The following GJC1 variants were observed in gnomAD, a reference collection of about 807,000 sequenced individuals.
GJC1 encodes gap junction protein gamma 1.
GJC1 carries 5 observed loss-of-function variants against 29.3 expected under a neutral mutation model. The observed-to-expected ratio is 0.17, with a 90% CI of 0.09 to 0.36. The LOEUF (loss-of-function observed/expected upper bound fraction) is 0.36, where lower values mean the gene tolerates loss of function less well. Among genes scored for constraint, GJC1 ranks in the 10% least tolerant of loss-of-function variants. The probability of loss-of-function intolerance (pLI) is 1.00; values close to 1 mark genes in which losing one functional copy is unlikely to be tolerated. For synonymous variants in GJC1, 177 were observed against 183.3 expected (o/e 0.97, Z 0.28); for missense variants, 310 against 496.2 (o/e 0.62, Z 3.56).
chr17:44,813,907 C>G (rs1348039640), intron 1 of GJC1, among the ~76,000 whole-genome samples: 3 of 152,124 alleles, frequency 2.0e-5, no homozygotes, highest in African/African-American at 7.2e-5. Flanking sequence ...GTCACTCATT[C>G]TCTAGGCAAG....
chr17:44,827,174 G>A (rs1298908041), intron 1 of GJC1, among the ~76,000 whole-genome samples: 1 of 152,092 alleles, frequency 6.6e-6, no homozygotes, highest in Non-Finnish European at 1.5e-5. Context: ...GCTGGGCATG[G>A]TGGGGCATTC....
At chr17:44,808,987 T>C (rs1164231080) in intron 1 of GJC1, among the ~76,000 whole-genome samples, 1 of 152,048 alleles carries the variant, frequency 6.6e-6, no homozygotes, top group Non-Finnish European at 1.5e-5. Flanking sequence ...GGCAGGAGAA[T>C]TGCTTGAACC....
At chr17:44,823,269 T>TC (rs1365284574) in intron 1 of GJC1, among the ~76,000 whole-genome samples, 3,172 of 149,264 alleles carry the variant, frequency 0.021, 95 homozygotes, top group African/African-American at 0.073. Flanking sequence ...TTTTTTTTTT[T>TC]TAAGACGGAG....
chr17:44,806,401 G>T (rs200418992), intron 2 of GJC1, among the ~76,000 whole-genome samples: 1,285 of 122,010 alleles, frequency 0.011, 18 homozygotes, highest in African/African-American at 0.034. Context: ...TCTTCTGTTT[G>T]TTTTTTTTTT....
rs967577146 is a variant in GJC1, at chr17:44,829,890, G to A, written c.-97+172C>T. ...CCGGCGACGCCCCTCCGGACTCGGCGGGAACCCCTCGGCGGCGCCCCCCTC... is the reference window on the plus strand; with the variant it reads ...CCGGCGACGCCCCTCCGGACTCGGCAGGAACCCCTCGGCGGCGCCCCCCTC... On this transcript the variant is annotated intron_variant, in intron 1 of 2. Coordinates refer to ENST00000592524, the MANE Select transcript of GJC1 (RefSeq NM_005497.4). Among the ~76,000 whole-genome samples the A allele has an allele frequency of 3.3e-5, 5 of 152,018 alleles. No individual in the cohort carries two copies. The East Asian group carries it at 9.8e-4, about 30-fold the overall frequency.
chr17:44,828,680 T>C (rs1033597456), intron 1 of GJC1, among the ~76,000 whole-genome samples: 4 of 152,214 alleles, frequency 2.6e-5, no homozygotes, highest in African/African-American at 9.6e-5. Flanking sequence ...ACTGCAGTGA[T>C]ACAACTCTAT....
chr17:44,820,433 C>T (rs2050094542), intron 1 of GJC1, among the ~76,000 whole-genome samples: 1 of 152,134 alleles, frequency 6.6e-6, no homozygotes, highest in Non-Finnish European at 1.5e-5. Flanking sequence ...AAAATCTCTT[C>T]CATTTAACAT....
rs1277812906 is a variant in GJC1 at position 44,805,306 on chromosome 17, T to A, written c.512A>T (p.Asp171Val). ...CAGCACATAGATTTTCATGAGCCCATCTTCCCGAATCCGTCGTCGGCCATC... is the reference window on the plus strand; with the variant it reads ...CAGCACATAGATTTTCATGAGCCCAACTTCCCGAATCCGTCGTCGGCCATC... Reference protein sequence around the residue: ...KHDGRRRIREDGLMKIYVLQL... With the variant: ...KHDGRRRIREVGLMKIYVLQL... Residue 171 changes from aspartate (D) to valine (V), a missense_variant, in exon 3 of 3, where the codon GAT (aspartate) becomes GTT (valine). Around this residue, in one of 4 missense-constraint regions of GJC1, gnomAD observed 45 missense variants for 126.2 expected, o/e 0.36. Coordinates refer to ENST00000592524, the MANE Select transcript of GJC1 (RefSeq NM_005497.4). This position sits in a 1 kb window ranked among gnomAD's most constrained non-coding sequence, Gnocchi z 5.1. 6.2e-7 allele frequency: 1 copy of A among 1,614,062 alleles called. No individual in the cohort carries two copies. The highest frequency in any genetic ancestry group is 2.2e-5 in the East Asian group (1 of 44,900).
chr17:44,805,905 T>C lies in GJC1; in HGVS notation c.-20-68A>G, dbSNP rs1346893832. 4 of 731,186 alleles carry C rather than the reference T, an allele frequency of 5.5e-6. No individual in the cohort carries two copies. Among genetic ancestry groups the C allele is most frequent in the South Asian group, 2.0e-5 (1 of 51,274 alleles). 45.3% of individuals were successfully genotyped at this position (731,186 alleles called of 1,614,324 possible). On this transcript the variant is annotated intron_variant, in intron 2 of 2. Coordinates refer to ENST00000592524, the MANE Select transcript of GJC1 (RefSeq NM_005497.4). The surrounding 1 kb of genome is among the most constrained non-coding windows in gnomAD (Gnocchi z 5.1). ...TAAATCTTAATTTAATTACTAATTA[T>C]GATATCTCTAGGAACTACTGCTTTG...
At chr17:44,808,182 G>C (rs2049932982) in intron 1 of GJC1, among the ~76,000 whole-genome samples, 1 of 151,486 alleles carries the variant, frequency 6.6e-6, no homozygotes, top group African/African-American at 2.4e-5. Flanking sequence ...TGTGTTTATA[G>C]TAACTTAATT....
At chr17:44,823,141 T>C (rs2050131078) in intron 1 of GJC1, among the ~76,000 whole-genome samples, 1 of 151,924 alleles carries the variant, frequency 6.6e-6, no homozygotes, top group South Asian at 2.1e-4. Context: ...GGGAGTTGAA[T>C]ATAGTTTAGA....
chr17:44,805,313 G>A lies in GJC1; in HGVS notation c.505C>T (p.Arg169Trp), dbSNP rs778016199. The A allele has an allele frequency of 1.1e-5, 17 of 1,614,000 alleles. No homozygotes were observed. Among genetic ancestry groups the A allele is most frequent in the South Asian group, 8.8e-5 (8 of 91,078 alleles). The change falls in exon 3 of 3, where the codon CGG becomes TGG. Residue 169 changes from arginine (R) to tryptophan (W), a missense_variant. Arg to Trp is a moderately radical substitution (Grantham distance 101). Coordinates refer to ENST00000592524, the MANE Select transcript of GJC1 (RefSeq NM_005497.4). This position sits in a 1 kb window ranked among gnomAD's most constrained non-coding sequence, Gnocchi z 5.1. ...KPKHDGRRRI[R>W]EDGLMKIYVL... is the part of the protein sequence containing the mutation. ...TAGATTTTCATGAGCCCATCTTCCC[G>A]AATCCGTCGTCGGCCATCATGCTTA...
intron 1 of GJC1, among the ~76,000 whole-genome samples, chr17:44,816,681 T>C (rs1658389442): frequency 6.6e-6 from 1 of 151,870 alleles, no homozygotes; most frequent in African/African-American, 2.4e-5. Flanking sequence ...AATTTTTCTA[T>C]TTTTAGTAGA....
intron 1 of GJC1, chr17:44,808,008 G>A (rs1169924736): frequency 6.6e-6 from 1 of 152,114 alleles, no homozygotes; most frequent in African/African-American, 2.4e-5. Context: ...GTCACAGAAA[G>A]AAAACACCTG....
At position 44,827,234 on chromosome 17, in the gene GJC1, C is replaced by T. The variant is rs1186585234; in HGVS notation, c.-97+2828G>A. On this transcript the variant is annotated intron_variant, in intron 1 of 2. Transcript: ENST00000592524. ...CTGAGGCATGAGAATCACTTGAACT[C>T]GGGAGGCGGAGGTTGCAGTGAGACA... is the stretch of plus-strand genomic sequence containing the variant. Among the ~76,000 whole-genome samples, 4 of 151,880 alleles carry T rather than the reference C, an allele frequency of 2.6e-5. No individual in the cohort carries two copies. In the East Asian group the frequency reaches 7.7e-4, roughly 29 times the overall value.
intron 1 of GJC1, among the ~76,000 whole-genome samples, chr17:44,822,514 G>C (rs1236874380): frequency 6.6e-6 from 1 of 151,488 alleles, no homozygotes; most frequent in Non-Finnish European, 1.5e-5. Flanking sequence ...GTGGTGGCAG[G>C]CGCCTGTAAT....
chr17:44,804,608 G>C lies in GJC1; in HGVS notation c.*19C>G. ...CTTACCATAAACTATGAAAAGCACAGGTTTTAAGCCCGCCAGGATTAAATC... is the reference window on the plus strand; with the variant it reads ...CTTACCATAAACTATGAAAAGCACACGTTTTAAGCCCGCCAGGATTAAATC... On this transcript the variant is annotated 3_prime_UTR_variant, in exon 3 of 3. Coordinates refer to ENST00000592524, the MANE Select transcript of GJC1 (RefSeq NM_005497.4). The C allele has an allele frequency of 6.4e-7, 1 of 1,564,888 alleles. No individual in the cohort carries two copies. The highest frequency in any genetic ancestry group is 8.7e-7 in the Non-Finnish European group (1 of 1,143,260).
intron 1 of GJC1, among the ~76,000 whole-genome samples, chr17:44,822,152 G>T (rs569584100): frequency 2.3e-5 from 3 of 132,954 alleles, no homozygotes; most frequent in African/African-American, 8.8e-5. Flanking sequence ...AGCCAAGATC[G>T]TGCCACTGCA....
chr17:44,804,571 A>T lies in GJC1; in HGVS notation c.*56T>A. ...GTTTACTCAATGGAAGTCATTATTC[A>T]GTGAGCTGCTGCTTACCATAAACTA... On this transcript the variant is annotated 3_prime_UTR_variant, in exon 3 of 3. Transcript: ENST00000592524. 7.8e-7 allele frequency: 1 copy of T among 1,281,414 alleles called. No homozygotes were observed. Among genetic ancestry groups the T allele is most frequent in the Non-Finnish European group, 1.1e-6 (1 of 905,466 alleles). 79.4% of individuals were successfully genotyped at this position (1,281,414 alleles called of 1,614,324 possible).
Sources: allele counts gnomAD v4.1 joint callset (sites outside exome capture counted in the v4.1 genomes callset), GRCh38; gene constraint gnomAD v4.1.1; regional missense constraint gnomAD v4.1.1; non-coding constraint Gnocchi (gnomAD v3.1); transcripts MANE v1.5; gene names NCBI Gene and HGNC (gene_info 2026-07-23, HGNC 2026-07-21).